LRRC1: variants seen among roughly 807,000 people sequenced by gnomAD.
LRRC1 encodes leucine rich repeat containing 1, also known as leucine-rich repeat-containing protein 1.
In LRRC1, 28 loss-of-function variants were observed where a neutral mutation model predicts 69.9. The ratio of observed to expected loss-of-function variants is 0.40; its 90% CI spans 0.30 to 0.55. The LOEUF (loss-of-function observed/expected upper bound fraction) is 0.55, where lower values mean the gene tolerates loss of function less well. Ranked by LOEUF, LRRC1 falls within the 20% of genes least tolerant of loss-of-function variation. The probability of loss-of-function intolerance (pLI) is 0.47; values close to 1 mark genes in which losing one functional copy is unlikely to be tolerated. For synonymous variants in LRRC1, 236 were observed against 240.2 expected, an observed-to-expected ratio of 0.98 and a Z score of 0.16; for missense variants, 498 against 609.0, an observed-to-expected ratio of 0.82 and a Z score of 1.92.
chr6:53,805,710 G>A (rs888372492), intron 1 of LRRC1, among the ~76,000 whole-genome samples: 3 of 152,212 alleles, frequency 2.0e-5, no homozygotes, highest in African/African-American at 4.8e-5. Context: ...AACAGTATCT[G>A]GGAGATAGAA....
intron 8 of LRRC1, among the ~76,000 whole-genome samples, chr6:53,901,885 C>T (rs747402528): frequency 6.6e-6 from 1 of 152,208 alleles, no homozygotes; most frequent in South Asian, 2.1e-4. Flanking sequence ...ATTTTTCTTT[C>T]TCCAGCTTTA....
Position 53,923,323 on chromosome 6 carries a change from T to C in LRRC1, c.*530T>C, listed in dbSNP as rs1768794713. The C allele has an allele frequency of 6.5e-6, 1 of 152,696 alleles. No homozygotes were observed. The highest frequency in any genetic ancestry group is 1.5e-5 in the Non-Finnish European group (1 of 68,080). The allele number at this position is 152,696 out of a possible 1,614,324, so 9.5% of individuals were successfully genotyped here. A position where few individuals can be genotyped will look rare whatever the true frequency, so the allele number is the denominator to read the frequency against. On this transcript the variant is annotated 3_prime_UTR_variant, in exon 14 of 14. Coordinates refer to ENST00000370888, the MANE Select transcript of LRRC1 (RefSeq NM_018214.5). Reference sequence around the variant, plus strand: ...GTTATTTTATCTTGAAAACGGTACATATTTTAGTATTTGTGCAGAAAAACA... The same window carrying C: ...GTTATTTTATCTTGAAAACGGTACACATTTTAGTATTTGTGCAGAAAAACA...
intron 4 of LRRC1, among the ~76,000 whole-genome samples, chr6:53,895,161 G>A (rs1291264976): frequency 2.6e-5 from 4 of 151,998 alleles, no homozygotes; most frequent in Middle Eastern, 3.4e-3. Context: ...TCGTGGATCC[G>A]CCCACCTCGG....
At chr6:53,796,372 A>G (rs550524007) in intron 1 of LRRC1, among the ~76,000 whole-genome samples, 110 of 152,234 alleles carry the variant, frequency 7.2e-4, no homozygotes, top group Admixed American at 2.7e-3. Flanking sequence ...GGTGTCTCAA[A>G]CCCAGGTGTG....
intron 1 of LRRC1, among the ~76,000 whole-genome samples, chr6:53,841,698 A>G (rs1344117451): frequency 6.6e-6 from 1 of 152,118 alleles, no homozygotes; most frequent in Non-Finnish European, 1.5e-5. Flanking sequence ...ATTTCTTTAA[A>G]AAATGTCTTT....
intron 2 of LRRC1, among the ~76,000 whole-genome samples, chr6:53,853,474 G>A (rs1277017769): frequency 2.0e-5 from 3 of 151,812 alleles, no homozygotes; most frequent in Admixed American, 6.6e-5. Flanking sequence ...TAGTAGAGAC[G>A]GGGTTTCACC....
chr6:53,883,797 C>T (rs879240034), intron 4 of LRRC1, among the ~76,000 whole-genome samples: 3 of 152,212 alleles, frequency 2.0e-5, no homozygotes, highest in South Asian at 2.1e-4. Flanking sequence ...ACCTGTCCTG[C>T]GTAAGTTCTA....
chr6:53,804,748 T>G (rs539089197), intron 1 of LRRC1, among the ~76,000 whole-genome samples: 1 of 152,360 alleles, frequency 6.6e-6, no homozygotes, highest in Admixed American at 6.5e-5. Flanking sequence ...TGTGCAAATG[T>G]TTCTTTAAGA....
chr6:53,818,849 G>A lies in LRRC1; in HGVS notation c.160-23261G>A, dbSNP rs376710999. On this transcript the variant is annotated intron_variant, in intron 1 of 13. Coordinates refer to ENST00000370888, the MANE Select transcript of LRRC1 (RefSeq NM_018214.5). The stretch of plus-strand genomic sequence containing the variant: ...CCTCATTTCATTTCATTTCATAAAT[G>A]CTTTTATTTTTTGGGGTGTGAATTA... Among the ~76,000 whole-genome samples the A allele has an allele frequency of 5.9e-5, 9 of 152,228 alleles. No homozygotes were observed. The East Asian group carries it at 1.2e-3, about 20-fold the overall frequency.
At chr6:53,883,450 A>G (rs1418081901) in intron 4 of LRRC1, among the ~76,000 whole-genome samples, 1 of 152,184 alleles carries the variant, frequency 6.6e-6, no homozygotes, top group African/African-American at 2.4e-5. Context: ...AGAATGGTGT[A>G]TTTGGAGAGT....
intron 2 of LRRC1, among the ~76,000 whole-genome samples, chr6:53,867,236 G>A (rs1766730814): frequency 6.6e-6 from 1 of 152,066 alleles, no homozygotes; most frequent in South Asian, 2.1e-4. Flanking sequence ...AAAGTGTTGA[G>A]AATTGTGCCT....
intron 2 of LRRC1, among the ~76,000 whole-genome samples, chr6:53,868,860 A>T (rs1766792078): frequency 6.6e-6 from 1 of 152,192 alleles, no homozygotes; most frequent in African/African-American, 2.4e-5. Context: ...TGTGCATCAA[A>T]TATCACATTC....
intron 2 of LRRC1, among the ~76,000 whole-genome samples, chr6:53,854,393 A>C (rs1383539473): frequency 1.3e-5 from 2 of 152,242 alleles, no homozygotes; most frequent in Non-Finnish European, 2.9e-5. Context: ...GTTGAGAATT[A>C]ATAGTGAAAT....
intron 4 of LRRC1, among the ~76,000 whole-genome samples, chr6:53,891,781 C>G (rs1021089540): frequency 6.6e-6 from 1 of 151,936 alleles, no homozygotes; most frequent in African/African-American, 2.4e-5. Context: ...GTCAGGAGAT[C>G]GAGACCAGCC....
Position 53,923,833 on chromosome 6 carries a change from A to G in LRRC1, c.*1040A>G, listed in dbSNP as rs2127444311. On this transcript the variant is annotated 3_prime_UTR_variant, in exon 14 of 14. Transcript: ENST00000370888. The stretch of plus-strand genomic sequence containing the variant: ...AAGTTTTATATCCAGATATACAACC[A>G]CAATAAAGCAAAATAACCTACTATC... 1 of 152,760 alleles carries G rather than the reference A, an allele frequency of 6.5e-6. No homozygotes were observed. The highest frequency in any genetic ancestry group is 2.1e-4 in the South Asian group (1 of 4,832). The allele number at this position is 152,760 out of a possible 1,614,324, so 9.5% of individuals were successfully genotyped here.
chr6:53,867,610 C>G (rs756695546), intron 2 of LRRC1, among the ~76,000 whole-genome samples: 1 of 152,054 alleles, frequency 6.6e-6, no homozygotes, highest in Non-Finnish European at 1.5e-5. Flanking sequence ...GTATGTAGAA[C>G]AAGCCCAATT....
chr6:53,874,041 C>T (rs192035206), intron 2 of LRRC1, among the ~76,000 whole-genome samples: 137 of 152,278 alleles, frequency 9.0e-4, no homozygotes, highest in African/African-American at 2.9e-3. Context: ...TGGCATGGCG[C>T]GGCCTTGCTT....
intron 1 of LRRC1, among the ~76,000 whole-genome samples, chr6:53,840,287 G>T (rs979182295): frequency 1.3e-5 from 2 of 151,950 alleles, no homozygotes; most frequent in Non-Finnish European, 2.9e-5. Flanking sequence ...TGATTTTTTT[G>T]GAATTTTGAA....
chr6:53,810,009 T>G (rs1375315301), intron 1 of LRRC1, among the ~76,000 whole-genome samples: 1 of 152,206 alleles, frequency 6.6e-6, no homozygotes, highest in Non-Finnish European at 1.5e-5. Flanking sequence ...ACAGTGACAG[T>G]GTCTGGCTTT....
Sources: allele counts gnomAD v4.1 joint callset (sites outside exome capture counted in the v4.1 genomes callset), GRCh38; gene constraint gnomAD v4.1.1; transcripts MANE v1.5; gene names NCBI Gene and HGNC (gene_info 2026-07-23, HGNC 2026-07-21).